The following INVS variants were observed in gnomAD, a reference collection of about 807,000 sequenced individuals.
INVS encodes the protein inversin, also known as inversion of embryo turning homolog.
A neutral mutation model predicts 108.8 loss-of-function variants in INVS; 86 were observed. The observed-to-expected ratio is 0.79, with a 90% CI of 0.66 to 0.95. The LOEUF (loss-of-function observed/expected upper bound fraction) is 0.95, where lower values mean the gene tolerates loss of function less well. Ranked by LOEUF, INVS falls within the 40% of genes least tolerant of loss-of-function variation. INVS has a pLI of 0.00. For missense variants in INVS, 1,169 were observed against 1,297.4 expected (o/e 0.90, Z 1.52); for synonymous variants, 455 against 473.5 (o/e 0.96, Z 0.51).
At chr9:100,137,251 GT>G (rs1564127950) in intron 3 of INVS, among the ~76,000 whole-genome samples, 1 of 152,100 alleles carries the variant, frequency 6.6e-6, no homozygotes, top group Non-Finnish European at 1.5e-5. Context: ...GAGATGTTTT[GT>G]CCCTAAAGCA....
chr9:100,104,069 TTAAA>T (rs1407243988), intron 1 of INVS, among the ~76,000 whole-genome samples: 5 of 152,184 alleles, frequency 3.3e-5, no homozygotes, highest in Non-Finnish European at 7.3e-5. Flanking sequence ...GTGCCTAATG[TTAAA>T]TATTGTCTTT....
intron 10 of INVS, among the ~76,000 whole-genome samples, chr9:100,253,366 T>C (rs554111591): frequency 6.6e-6 from 1 of 152,194 alleles, no homozygotes; most frequent in South Asian, 2.1e-4. Flanking sequence ...TTATAAAAGA[T>C]TACATGGCAT....
chr9:100,254,849 G>C (rs188677504), intron 10 of INVS, among the ~76,000 whole-genome samples: 236 of 152,256 alleles, frequency 1.6e-3, no homozygotes, highest in Non-Finnish European at 1.1e-3. Context: ...GTCAGGTAGC[G>C]TGATGCTTCC....
At chr9:100,256,231 G>C (rs982519486) in intron 10 of INVS, among the ~76,000 whole-genome samples, 22 of 152,156 alleles carry the variant, frequency 1.4e-4, no homozygotes, top group Admixed American at 9.8e-4. Context: ...TCTGATAGTA[G>C]TTTGTGTTTT....
intron 3 of INVS, chr9:100,129,812 A>G: frequency 1.8e-6 from 1 of 550,526 alleles, no homozygotes; most frequent in Non-Finnish European, 3.4e-6. Flanking sequence ...AAAAGAATAC[A>G]ACCCTAACAG....
At chr9:100,215,351 A>C (rs1231082371) in intron 3 of INVS, 2 of 152,212 alleles carry the variant, frequency 1.3e-5, no homozygotes, top group African/African-American at 4.8e-5. Context: ...CCAAATTTTC[A>C]AAACAGATGT....
chr9:100,174,854 G>A (rs1214890081), intron 3 of INVS, among the ~76,000 whole-genome samples: 1 of 152,182 alleles, frequency 6.6e-6, no homozygotes, highest in East Asian at 1.9e-4. Flanking sequence ...GGAGGTTGCA[G>A]TGAGCCAGAA....
intron 3 of INVS, among the ~76,000 whole-genome samples, chr9:100,206,756 A>T (rs1397307655): frequency 6.6e-6 from 1 of 151,534 alleles, no homozygotes; most frequent in Non-Finnish European, 1.5e-5. Context: ...AAAATCCAGG[A>T]TCAGGCACTC....
intron 5 of INVS, among the ~76,000 whole-genome samples, chr9:100,235,276 G>C (rs574570281): frequency 2.4e-4 from 37 of 151,768 alleles, no homozygotes; most frequent in Non-Finnish European, 3.8e-4. Context: ...ACATGAGATG[G>C]GTCTCTTGAA....
intron 4 of INVS, among the ~76,000 whole-genome samples, chr9:100,228,124 G>A (rs1831393295): frequency 6.6e-6 from 1 of 151,624 alleles, no homozygotes; most frequent in South Asian, 2.1e-4. Flanking sequence ...CCAAGTAGCT[G>A]GGATTACAGG....
intron 3 of INVS, among the ~76,000 whole-genome samples, chr9:100,135,049 G>C (rs548385050): frequency 1.3e-5 from 2 of 152,298 alleles, no homozygotes; most frequent in South Asian, 4.1e-4. Context: ...TAAGCTTTCA[G>C]GGGTGCTGAA....
intron 3 of INVS, chr9:100,130,410 T>C (rs911267184): frequency 6.6e-6 from 1 of 152,194 alleles, no homozygotes; most frequent in Non-Finnish European, 1.5e-5. Context: ...ATTGCTATTA[T>C]AGTTCAGGCC....
At chr9:100,177,239 A>G (rs1829745349) in intron 3 of INVS, among the ~76,000 whole-genome samples, 1 of 152,048 alleles carries the variant, frequency 6.6e-6, no homozygotes, top group Non-Finnish European at 1.5e-5. Context: ...GTTTTTCTTC[A>G]TACCCCAGTG....
chr9:100,194,137 T>G (rs915035744), intron 3 of INVS, among the ~76,000 whole-genome samples: 1 of 152,196 alleles, frequency 6.6e-6, no homozygotes, highest in Non-Finnish European at 1.5e-5. Context: ...TTTAAGAAAA[T>G]GGTGAACAGT....
intron 5 of INVS, among the ~76,000 whole-genome samples, chr9:100,235,944 T>C (rs1831676092): frequency 6.6e-6 from 1 of 152,242 alleles, no homozygotes; most frequent in Non-Finnish European, 1.5e-5. Flanking sequence ...TTCTCCTGGA[T>C]AATATCCTGA....
intron 12 of INVS, among the ~76,000 whole-genome samples, chr9:100,283,279 C>T (rs1338766904): frequency 6.6e-6 from 1 of 152,150 alleles, no homozygotes; most frequent in African/African-American, 2.4e-5. Flanking sequence ...ACAGTGCACT[C>T]TAGCCTAGGT....
At chr9:100,100,701 CATATA>C (rs1564111418) in intron 1 of INVS, among the ~76,000 whole-genome samples, 1 of 9,900 alleles carries the variant, frequency 1.0e-4, no homozygotes, top group African/African-American at 1.0e-3. Context: ...TATATATGTA[CATATA>C]ATATATATAT....
intron 3 of INVS, among the ~76,000 whole-genome samples, chr9:100,219,417 G>A (rs1290230765): frequency 6.6e-6 from 1 of 152,146 alleles, no homozygotes; most frequent in Non-Finnish European, 1.5e-5. Context: ...TCCAGCCTGG[G>A]CAAGCTATAG....
chr9:100,103,379 C>T (rs1038166511), intron 1 of INVS, among the ~76,000 whole-genome samples: 2 of 151,974 alleles, frequency 1.3e-5, no homozygotes, highest in South Asian at 4.2e-4. Flanking sequence ...GTAATCCCAG[C>T]ACTTTGGGAT....
Sources: allele counts gnomAD v4.1 joint callset (sites outside exome capture counted in the v4.1 genomes callset), GRCh38; gene constraint gnomAD v4.1.1; transcripts MANE v1.5; gene names NCBI Gene and HGNC (gene_info 2026-07-23, HGNC 2026-07-21).